The following ST8SIA1 variants were observed in gnomAD, a reference collection of about 807,000 sequenced individuals.
ST8SIA1 encodes ST8 alpha-N-acetyl-neuraminide alpha-2,8-sialyltransferase 1.
ST8SIA1 carries 16 observed loss-of-function variants against 35.9 expected under a neutral mutation model. That is an observed-to-expected ratio of 0.45 (90% CI 0.30 to 0.68). The LOEUF is 0.68. ST8SIA1 is among the 30% of genes least tolerant of loss of function. ST8SIA1 has a pLI of 0.09. For missense variants in ST8SIA1, 383 were observed against 453.6 expected (o/e 0.84, Z 1.41); for synonymous variants, 170 against 169.6 (o/e 1.00, Z -0.02).
chr12:22,327,158 T>C (rs558824206), intron 1 of ST8SIA1, among the ~76,000 whole-genome samples: 1 of 152,326 alleles, frequency 6.6e-6, no homozygotes, highest in South Asian at 2.1e-4. Flanking sequence ...CTGTATCTAA[T>C]ATTGAGAAGT....
intron 1 of ST8SIA1, among the ~76,000 whole-genome samples, chr12:22,323,721 C>T (rs1354760827): frequency 4.6e-5 from 7 of 152,144 alleles, no homozygotes; most frequent in South Asian, 2.1e-4. Context: ...TGGATGGAGT[C>T]GGAAACCATT....
At chr12:22,238,168 C>CG (rs1555156077) in intron 4 of ST8SIA1, among the ~76,000 whole-genome samples, 17 of 151,772 alleles carry the variant, frequency 1.1e-4, no homozygotes, top group African/African-American at 3.9e-4. Context: ...AGAACTCCCC[C>CG]CCCAACAAGA....
chr12:22,257,522 C>A (rs1437379196), intron 2 of ST8SIA1, among the ~76,000 whole-genome samples: 2 of 151,718 alleles, frequency 1.3e-5, no homozygotes, highest in Non-Finnish European at 2.9e-5. Context: ...CCGCACCTGG[C>A]CCCAGGAACT....
intron 1 of ST8SIA1, among the ~76,000 whole-genome samples, chr12:22,293,356 A>G (rs1866202925): frequency 6.6e-6 from 1 of 152,254 alleles, no homozygotes; most frequent in South Asian, 2.1e-4. Flanking sequence ...TTCAAATTTA[A>G]TCTTGTCTCC....
chr12:22,300,954 T>C (rs1284356022), intron 1 of ST8SIA1, among the ~76,000 whole-genome samples: 1 of 152,150 alleles, frequency 6.6e-6, no homozygotes, highest in Admixed American at 6.6e-5. Flanking sequence ...TTGGGTTGTA[T>C]TTGTATAAAT....
chr12:22,257,378 A>ATTTTTTT (rs34136511), intron 2 of ST8SIA1, among the ~76,000 whole-genome samples: 1 of 118,602 alleles, frequency 8.4e-6, no homozygotes, highest in Non-Finnish European at 1.7e-5. Context: ...TGCCCAGCTA[A>ATTTTTTT]TTTTTTTTTT....
chr12:22,231,322 C>T (rs1185547302), intron 4 of ST8SIA1, among the ~76,000 whole-genome samples: 2 of 151,508 alleles, frequency 1.3e-5, no homozygotes, highest in Admixed American at 6.6e-5. Context: ...ATCACTAACA[C>T]CTTCACTCCA....
At chr12:22,222,746 T>G (rs991629134) in intron 4 of ST8SIA1, among the ~76,000 whole-genome samples, 1 of 152,060 alleles carries the variant, frequency 6.6e-6, no homozygotes, top group African/African-American at 2.4e-5. Flanking sequence ...TTAGTTTCTT[T>G]ACATTTTAAT....
intron 2 of ST8SIA1, among the ~76,000 whole-genome samples, chr12:22,257,513 C>T (rs763895889): frequency 1.1e-4 from 16 of 151,700 alleles, no homozygotes; most frequent in South Asian, 4.2e-4. Flanking sequence ...AGCGAGCCAC[C>T]GCACCTGGCC....
chr12:22,193,435 C>T lies in ST8SIA1; in HGVS notation c.*8117G>A, dbSNP rs1223098614. On this transcript the variant is annotated 3_prime_UTR_variant, in exon 5 of 5. Transcript: ENST00000396037. ...CACAGGGTACATTTACAAATTTTCTCCAAGTAAAGGAGGTAGAGAAATTGA... is the reference window on the plus strand; with the variant it reads ...CACAGGGTACATTTACAAATTTTCTTCAAGTAAAGGAGGTAGAGAAATTGA... 6.6e-6 allele frequency: 1 copy of T among 152,122 alleles called. No homozygotes were observed. The highest frequency in any genetic ancestry group is 2.4e-5 in the African/African-American group (1 of 41,414). 9.4% of individuals were successfully genotyped at this position (152,122 alleles called of 1,614,324 possible).
chr12:22,289,202 C>T (rs1040046188), intron 1 of ST8SIA1, among the ~76,000 whole-genome samples: 58 of 152,098 alleles, frequency 3.8e-4, no homozygotes, highest in Admixed American at 9.8e-4. Flanking sequence ...GGAGGATAGG[C>T]TAAATTTTTA....
At chr12:22,252,605 C>T (rs1008058403) in intron 3 of ST8SIA1, among the ~76,000 whole-genome samples, 2 of 152,154 alleles carry the variant, frequency 1.3e-5, no homozygotes, top group East Asian at 3.8e-4. Context: ...TCTTTCAACC[C>T]TCATCTCCCC....
At chr12:22,293,898 T>C (rs1866211279) in intron 1 of ST8SIA1, among the ~76,000 whole-genome samples, 1 of 152,200 alleles carries the variant, frequency 6.6e-6, no homozygotes, top group Non-Finnish European at 1.5e-5. Context: ...CCTAGTAGCC[T>C]ACATAGAAAT....
At chr12:22,221,698 A>C (rs1399540349) in intron 4 of ST8SIA1, among the ~76,000 whole-genome samples, 2 of 152,244 alleles carry the variant, frequency 1.3e-5, no homozygotes, top group African/African-American at 4.8e-5. Flanking sequence ...ATTATATTAC[A>C]GTTGTTGAAA....
chr12:22,261,056 G>A (rs1256170434), intron 2 of ST8SIA1, among the ~76,000 whole-genome samples: 1 of 150,890 alleles, frequency 6.6e-6, no homozygotes, highest in Non-Finnish European at 1.5e-5. Context: ...TTTGTTTTTT[G>A]TTTGTAGACA....
At chr12:22,225,527 G>A (rs764553986) in intron 4 of ST8SIA1, among the ~76,000 whole-genome samples, 15 of 152,198 alleles carry the variant, frequency 9.9e-5, no homozygotes, top group Middle Eastern at 3.4e-3. Flanking sequence ...AAACATAAGT[G>A]AAACAAAACT....
chr12:22,264,610 T>C (rs186290182), intron 2 of ST8SIA1, among the ~76,000 whole-genome samples: 2 of 147,558 alleles, frequency 1.4e-5, no homozygotes, highest in East Asian at 4.2e-4. Flanking sequence ...AAATATCTGG[T>C]AATTAGTTCA....
Position 22,198,731 on chromosome 12 carries a change from AT to A in ST8SIA1, c.*2820del, listed in dbSNP as rs1565564217. 1 of 152,156 alleles carries A rather than the reference AT, an allele frequency of 6.6e-6. No individual in the cohort carries two copies. Among genetic ancestry groups the A allele is most frequent in the Non-Finnish European group, 1.5e-5 (1 of 68,032 alleles). 9.4% of individuals were successfully genotyped at this position (152,156 alleles called of 1,614,324 possible). On this transcript the variant is annotated 3_prime_UTR_variant, in exon 5 of 5. Transcript: ENST00000396037. ...GACAAGGTGGAACAATCAAAATTTCATTTTGGTCTAATCCAGGTCTAATCCA... is the reference window on the plus strand; with the variant it reads ...GACAAGGTGGAACAATCAAAATTTCATTTGGTCTAATCCAGGTCTAATCCA...
At chr12:22,235,323 A>G (rs894851401) in intron 4 of ST8SIA1, among the ~76,000 whole-genome samples, 1 of 152,236 alleles carries the variant, frequency 6.6e-6, no homozygotes, top group African/African-American at 2.4e-5. Flanking sequence ...ATTAGTAATC[A>G]TTGGGACTAT....
Sources: allele counts gnomAD v4.1 joint callset (sites outside exome capture counted in the v4.1 genomes callset), GRCh38; gene constraint gnomAD v4.1.1; transcripts MANE v1.5; gene names NCBI Gene and HGNC (gene_info 2026-07-23, HGNC 2026-07-21).